ACTR3B: variants seen among roughly 807,000 people sequenced by gnomAD.
ACTR3B encodes the protein actin related protein 3B.
Under a neutral mutation model 59.0 loss-of-function variants are expected in ACTR3B, and 8 were observed. The ratio of observed to expected loss-of-function variants is 0.14; its 90% confidence interval spans 0.08 to 0.24. The LOEUF (loss-of-function observed/expected upper bound fraction) is 0.24, where lower values mean the gene tolerates loss of function less well. ACTR3B is among the 10% of genes least tolerant of loss of function. The pLI, the probability that ACTR3B is intolerant of heterozygous loss-of-function variation, is 1.00. For synonymous variants in ACTR3B, 148 were observed against 197.9 expected (o/e 0.75, Z 2.12); for missense variants, 245 against 552.3 (o/e 0.44, Z 5.58).
chr7:152,826,683 G>T (rs1796599579), intron 9 of ACTR3B, among the ~76,000 whole-genome samples: 1 of 151,638 alleles, frequency 6.6e-6, no homozygotes, highest in Non-Finnish European at 1.5e-5. Flanking sequence ...ATAAAGCAGA[G>T]GAAACTGCCA....
At chr7:152,849,088 CG>C (rs1798592973) in intron 9 of ACTR3B, among the ~76,000 whole-genome samples, 1 of 152,134 alleles carries the variant, frequency 6.6e-6, no homozygotes, top group Non-Finnish European at 1.5e-5. Flanking sequence ...GACGTGACAG[CG>C]GTTTCCTTGG....
rs904942424 is a variant in ACTR3B, at chr7:152,802,605, C to T, written c.336+874C>T. 4.7e-4 allele frequency among the ~76,000 whole-genome samples: 69 copies of T among 148,280 alleles called. 1 individual carries two copies. The highest frequency in any genetic ancestry group is 1.6e-3 in the African/African-American group (62 of 39,922). On this transcript the variant is annotated intron_variant, in intron 4 of 11. Transcript: ENST00000256001. ...CTACTCAACATTACATGTTTTCTTC[C>T]GTGAGATGCTCTTTTCATCAAGTTA...
chr7:152,815,544 G>A (rs34636157), intron 5 of ACTR3B, among the ~76,000 whole-genome samples: 80,557 of 151,986 alleles, frequency 0.53, 23,265 homozygotes, highest in East Asian at 0.72. Flanking sequence ...TTCGACCAGG[G>A]TTTTCCACCC....
intron 1 of ACTR3B, among the ~76,000 whole-genome samples, chr7:152,780,529 T>A (rs866465252): frequency 2.6e-5 from 4 of 152,036 alleles, no homozygotes; most frequent in African/African-American, 7.3e-5. Flanking sequence ...CCAGCAGCTG[T>A]TGCTGAGTCG....
In ACTR3B at chr7:152,801,038, A is replaced by G. The variant is rs541289493; in HGVS notation, c.225+383A>G. Among the ~76,000 whole-genome samples, 9 of 152,396 alleles carry G rather than the reference A, an allele frequency of 5.9e-5. No homozygotes were observed. The South Asian group carries it at 1.2e-3, about 21-fold the overall frequency. On this transcript the variant is annotated intron_variant, in intron 3 of 11. Transcript: ENST00000256001. ...TTTTTAAAGCTCCAGATCCAATTGT[A>G]TGATAATTAGCTGCAGTTTTCTATC...
At chr7:152,811,484 G>A (rs1012406484) in intron 4 of ACTR3B, 2 of 152,146 alleles carry the variant, frequency 1.3e-5, no homozygotes, top group African/African-American at 4.8e-5. Context: ...GCATGCTACT[G>A]TGTGACAGAT....
intron 9 of ACTR3B, among the ~76,000 whole-genome samples, chr7:152,825,526 A>G (rs1796501287): frequency 1.3e-5 from 2 of 152,102 alleles, no homozygotes; most frequent in Admixed American, 6.5e-5. Flanking sequence ...CATGTTGCCC[A>G]GGCTGGTCTC....
In ACTR3B at chr7:152,781,195, T is replaced by G. The variant is rs548742540; in HGVS notation, c.45-1992T>G. ...GCTTTACCATATTCGTTTCAGTGGTTTTTTTTTTTTTTTTTTTTTTTCTGA... is the reference window on the plus strand; with the variant it reads ...GCTTTACCATATTCGTTTCAGTGGTGTTTTTTTTTTTTTTTTTTTTTCTGA... On this transcript the variant is annotated intron_variant, in intron 1 of 11. Coordinates refer to ENST00000256001, the MANE Select transcript of ACTR3B (RefSeq NM_020445.6). Among the ~76,000 whole-genome samples, 355 of 136,362 alleles carry G rather than the reference T, an allele frequency of 2.6e-3. 3 individuals are homozygous for G. The highest frequency in any genetic ancestry group is 9.9e-3 in the African/African-American group (343 of 34,696). The allele number at this position is 136,362 out of a possible 152,430, so 89.5% of individuals were successfully genotyped here.
Position 152,853,569 on chromosome 7 carries a change from G to T in ACTR3B, c.1153G>T (p.Ala385Ser), listed in dbSNP as rs1407682073. ...YAVWFGGSML[A>S]STPEFFQVCH... ...CGTGTGGTTCGGAGGCTCCATGCTG[G>T]CCTCGACTGTAAGTCCCTCTCTCGA... Residue 385 changes from alanine to serine, a missense_variant, in exon 11 of 12, where the codon GCC (alanine) becomes TCC (serine). This residue lies in a region of ACTR3B where 153 missense variants were observed against 266.2 expected (regional missense o/e 0.57). Coordinates refer to ENST00000256001, the MANE Select transcript of ACTR3B (RefSeq NM_020445.6). 6.2e-7 allele frequency: 1 copy of T among 1,613,388 alleles called. No homozygotes were observed. The highest frequency in any genetic ancestry group is 1.3e-5 in the African/African-American group (1 of 74,866).
At chr7:152,845,274 TC>T (rs1225303517) in intron 9 of ACTR3B, among the ~76,000 whole-genome samples, 1 of 152,162 alleles carries the variant, frequency 6.6e-6, no homozygotes, top group African/African-American at 2.4e-5. Flanking sequence ...TCTCTCCTGT[TC>T]CACATTCTTC....
intron 4 of ACTR3B, chr7:152,813,531 T>C (rs1341952814): frequency 2.9e-5 from 1 of 34,588 alleles, no homozygotes; most frequent in Non-Finnish European, 9.6e-5. Flanking sequence ...TTTCCAGATA[T>C]TTTTTTTTTC....
intron 6 of ACTR3B, among the ~76,000 whole-genome samples, chr7:152,817,439 G>C (rs923288662): frequency 1.3e-5 from 2 of 152,154 alleles, no homozygotes; most frequent in African/African-American, 4.8e-5. Context: ...GCTTGCAGAA[G>C]GCTCTGCAAT....
Position 152,781,169 on chromosome 7 carries a change from C to T in ACTR3B, c.45-2018C>T, listed in dbSNP as rs566556242. On this transcript the variant is annotated intron_variant, in intron 1 of 11. Transcript: ENST00000256001. Reference sequence around the variant, plus strand: ...AGCACCTAATTTTAATAAATGTTAACGCTTTACCATATTCGTTTCAGTGGT... The same window carrying T: ...AGCACCTAATTTTAATAAATGTTAATGCTTTACCATATTCGTTTCAGTGGT... Among the ~76,000 whole-genome samples the T allele has an allele frequency of 2.7e-3, 392 of 146,848 alleles. 2 individuals are homozygous for T. The highest frequency in any genetic ancestry group is 9.4e-3 in the African/African-American group (375 of 39,852).
At chr7:152,853,108 T>C (rs959205889) in intron 10 of ACTR3B, among the ~76,000 whole-genome samples, 1 of 151,812 alleles carries the variant, frequency 6.6e-6, no homozygotes, top group Non-Finnish European at 1.5e-5. Flanking sequence ...CACAGTTTCT[T>C]TTATTATTTT....
At chr7:152,762,027 C>CT (rs1171820286) in intron 1 of ACTR3B, among the ~76,000 whole-genome samples, 1 of 152,012 alleles carries the variant, frequency 6.6e-6, no homozygotes, top group Non-Finnish European at 1.5e-5. Context: ...TGAAAAAAGC[C>CT]TTTTTTTGTA....
intron 9 of ACTR3B, 151 bp downstream of exon 9, chr7:152,825,273 G>A (rs1796479905): frequency 2.4e-6 from 2 of 823,776 alleles, no homozygotes; most frequent in East Asian, 3.1e-5. Context: ...AATTGTAAGA[G>A]AAAATGGAAA....
At chr7:152,767,118 C>A (rs1271605037) in intron 1 of ACTR3B, among the ~76,000 whole-genome samples, 4 of 146,408 alleles carry the variant, frequency 2.7e-5, no homozygotes, top group African/African-American at 1.0e-4. Context: ...TTAATGGTTT[C>A]ATTTTTTTCA....
intron 2 of ACTR3B, among the ~76,000 whole-genome samples, chr7:152,794,254 T>C (rs1161945480): frequency 2.0e-5 from 3 of 152,210 alleles, no homozygotes; most frequent in Non-Finnish European, 4.4e-5. Flanking sequence ...AGTCTTGCTC[T>C]GTTGCCAGGC....
At chr7:152,818,770 G>A (rs1346034183) in intron 6 of ACTR3B, among the ~76,000 whole-genome samples, 1 of 151,870 alleles carries the variant, frequency 6.6e-6, no homozygotes, top group Non-Finnish European at 1.5e-5. Context: ...TCTAAGACAC[G>A]TGTGCTCACG....
Sources: gnomAD v4.1 joint callset for allele counts (sites outside exome capture counted in the v4.1 genomes callset) on GRCh38, gnomAD v4.1.1 for gene constraint, gnomAD v4.1.1 regional missense constraint, MANE v1.5 for transcripts, NCBI Gene and HGNC (gene_info 2026-07-23, HGNC 2026-07-21) for gene names.